FSHR: variants seen among roughly 807,000 people sequenced by gnomAD.
FSHR encodes the protein follicle stimulating hormone receptor.
In FSHR, 46 loss-of-function variants were observed where a neutral mutation model predicts 52.1. That is an observed-to-expected ratio of 0.88 (90% confidence interval 0.70 to 1.13). The LOEUF is 1.13. Ranked by LOEUF, FSHR falls within the 50% of genes most tolerant of loss-of-function variation. The pLI is 0.00. For synonymous variants in FSHR, 399 were observed against 309.6 expected, an observed-to-expected ratio of 1.29 and a Z score of -3.03; for missense variants, 964 against 834.6, an observed-to-expected ratio of 1.16 and a Z score of -1.91.
At chr2:49,091,472 T>A (rs12473601) in intron 1 of FSHR, among the ~76,000 whole-genome samples, 29,462 of 151,906 alleles carry the variant, frequency 0.19, 3,039 homozygotes, top group South Asian at 0.26. Flanking sequence ...CCTGGCTATA[T>A]TTTTTGTAGA....
At position 48,963,075 on chromosome 2, in the gene FSHR, GA is replaced by G; in HGVS notation, c.1745del (p.Phe582SerfsTer60). 1.2e-6 allele frequency: 2 copies of G among 1,614,064 alleles called. No homozygotes were observed. Among genetic ancestry groups the G allele is most frequent in the Non-Finnish European group, 1.7e-6 (2 of 1,180,000 alleles). ...KRMAMLIFTD[F>X]LCMAPISFFA... ...AGAAAGAAATGGGTGCCATGCAGAGGAAGTCAGTGAAGATGAGCATGGCCAT... is the reference window on the plus strand; with the variant it reads ...AGAAAGAAATGGGTGCCATGCAGAGGAGTCAGTGAAGATGAGCATGGCCAT... On this transcript the variant is annotated frameshift_variant, in exon 10 of 10. Transcript: ENST00000406846. LOFTEE classifies it high-confidence loss of function.
At chr2:49,035,142 T>G (rs116896546) in intron 2 of FSHR, among the ~76,000 whole-genome samples, 7 of 152,198 alleles carry the variant, frequency 4.6e-5, no homozygotes, top group Non-Finnish European at 1.0e-4. Context: ...ATTGCTCTTT[T>G]AGAACTTGGG....
intron 1 of FSHR, among the ~76,000 whole-genome samples, chr2:49,147,497 G>C (rs1428893490): frequency 2.0e-5 from 3 of 152,038 alleles, no homozygotes; most frequent in Non-Finnish European, 4.4e-5. Context: ...GGGTGAGGAA[G>C]GATAGCATGC....
At chr2:49,083,127 T>A (rs1375439099) in intron 1 of FSHR, among the ~76,000 whole-genome samples, 1 of 151,820 alleles carries the variant, frequency 6.6e-6, no homozygotes, top group African/African-American at 2.4e-5. Flanking sequence ...GGGAAGCCCA[T>A]CAGACTAACA....
chr2:49,123,857 C>T (rs747911715), intron 1 of FSHR, among the ~76,000 whole-genome samples: 10 of 152,072 alleles, frequency 6.6e-5, no homozygotes, highest in African/African-American at 9.7e-5. Context: ...GTTCTCTTTG[C>T]GTCTTCACTA....
At chr2:49,022,342 G>A (rs933034218) in intron 2 of FSHR, among the ~76,000 whole-genome samples, 4 of 152,028 alleles carry the variant, frequency 2.6e-5, no homozygotes, top group South Asian at 2.1e-4. Context: ...CGTATTTGAC[G>A]GTCTCAACTT....
intron 1 of FSHR, among the ~76,000 whole-genome samples, chr2:49,084,763 TGGACACATACAC>T (rs1670312593): frequency 6.6e-6 from 1 of 152,216 alleles, no homozygotes; most frequent in Admixed American, 6.5e-5. Flanking sequence ...GATAAATTTC[TGGACACATACAC>T]TCTCCCAAGA....
chr2:49,071,125 T>C (rs1009352335), intron 1 of FSHR, among the ~76,000 whole-genome samples: 4 of 152,106 alleles, frequency 2.6e-5, no homozygotes, highest in Admixed American at 6.6e-5. Flanking sequence ...TCTAGAAAAG[T>C]ATAGAATATG....
At chr2:49,093,596 T>TG (rs1670700542) in intron 1 of FSHR, among the ~76,000 whole-genome samples, 2 of 60,078 alleles carry the variant, frequency 3.3e-5, no homozygotes, top group Non-Finnish European at 7.9e-5. Context: ...TATATTTATC[T>TG]TTTTTTTTTT....
At chr2:48,986,674 T>G (rs1675530343) in intron 6 of FSHR, among the ~76,000 whole-genome samples, 2 of 152,196 alleles carry the variant, frequency 1.3e-5, no homozygotes, top group African/African-American at 4.8e-5. Context: ...GAGAGATCAG[T>G]GTCCATGAAC....
At chr2:49,059,064 G>A (rs1219422704) in intron 2 of FSHR, among the ~76,000 whole-genome samples, 1 of 152,056 alleles carries the variant, frequency 6.6e-6, no homozygotes, top group Non-Finnish European at 1.5e-5. Flanking sequence ...AAATAGCTGA[G>A]TATGGTGGCA....
At chr2:49,048,912 C>G (rs1668754960) in intron 2 of FSHR, among the ~76,000 whole-genome samples, 1 of 152,084 alleles carries the variant, frequency 6.6e-6, no homozygotes, top group Admixed American at 6.5e-5. Context: ...CTATTTGAAT[C>G]TTTTACTGTT....
rs142755430 is a variant in FSHR at position 49,068,228 on chromosome 2, A to T, written c.215T>A (p.Leu72Gln). The T allele has an allele frequency of 6.2e-7, 1 of 1,610,574 alleles. No homozygotes were observed. The highest frequency in any genetic ancestry group is 8.5e-7 in the Non-Finnish European group (1 of 1,178,306). ...AGTGCTAGGTACATACATTTTCTCC[A>T]GGTCCCCAAATCCTGAAAATGCACC... ...QKGAFSGFGD[L>Q]EKIEISQNDV... Residue 72 changes from leucine to glutamine, a missense_variant, in exon 2 of 10, where the codon CTG becomes CAG. Coordinates refer to ENST00000406846, the MANE Select transcript of FSHR (RefSeq NM_000145.4).
In FSHR at chr2:49,048,977, T is replaced by C. The variant is rs937930333; in HGVS notation, c.224+19242A>G. On this transcript the variant is annotated intron_variant, in intron 2 of 9. Coordinates refer to ENST00000406846, the MANE Select transcript of FSHR (RefSeq NM_000145.4). ...CAGATGGATGTGGTTGTGATGGGCA[T>C]GGGCTAAATGAGGAAATAAAAATAA... Among the ~76,000 whole-genome samples the C allele has an allele frequency of 1.6e-4, 25 of 152,104 alleles. 1 individual carries two copies. The highest frequency in any genetic ancestry group is 2.9e-5 in the Non-Finnish European group (2 of 68,020).
intron 1 of FSHR, among the ~76,000 whole-genome samples, chr2:49,082,943 T>G (rs1303353372): frequency 6.6e-6 from 1 of 151,844 alleles, no homozygotes; most frequent in African/African-American, 2.4e-5. Context: ...CCAGGAGAAC[T>G]TCCCCAATCG....
intron 1 of FSHR, among the ~76,000 whole-genome samples, chr2:49,115,255 G>A (rs1339631078): frequency 6.6e-6 from 1 of 151,896 alleles, no homozygotes; most frequent in African/African-American, 2.4e-5. Context: ...CTCTGGAAAT[G>A]TTTGGAACAC....
intron 1 of FSHR, among the ~76,000 whole-genome samples, chr2:49,113,851 G>A (rs1261909713): frequency 6.6e-6 from 1 of 152,218 alleles, no homozygotes; most frequent in Admixed American, 6.5e-5. Flanking sequence ...CCCCTCTATT[G>A]ATTATAAGAA....
chr2:48,965,199 A>G (rs116523632), intron 9 of FSHR, among the ~76,000 whole-genome samples: 1,871 of 152,198 alleles, frequency 0.012, 43 homozygotes, highest in African/African-American at 0.043. Flanking sequence ...TTTGATGCTA[A>G]AGGATGAGTC....
chr2:48,983,185 TA>T lies in FSHR; in HGVS notation c.525-20del, dbSNP rs1328575153. On this transcript the variant is annotated intron_variant, in intron 6 of 9. Coordinates refer to ENST00000406846, the MANE Select transcript of FSHR (RefSeq NM_000145.4). ...CAGCCATCTGAAATAAAAGGCCTAT[TA>T]AAAAACCAATAATGTCAGATGCAAA... 6.2e-7 allele frequency: 1 copy of T among 1,609,892 alleles called. No homozygotes were observed. Among genetic ancestry groups the T allele is most frequent in the Non-Finnish European group, 8.5e-7 (1 of 1,176,340 alleles).
Sources: allele counts gnomAD v4.1 joint callset (sites outside exome capture counted in the v4.1 genomes callset), GRCh38; gene constraint gnomAD v4.1.1; transcripts MANE v1.5; gene names NCBI Gene and HGNC (gene_info 2026-07-23, HGNC 2026-07-21).